Variants in TUBGCP4 observed in about 807,000 individuals in gnomAD.
TUBGCP4 encodes tubulin gamma complex component 4, also known as gamma-tubulin complex component 4.
A neutral mutation model predicts 91.6 loss-of-function variants in TUBGCP4; 54 were observed. The ratio of observed to expected loss-of-function variants is 0.59; its 90% CI spans 0.47 to 0.74. The LOEUF (loss-of-function observed/expected upper bound fraction) is 0.74, where lower values mean the gene tolerates loss of function less well. TUBGCP4 is among the 30% of genes least tolerant of loss of function. TUBGCP4 has a pLI of 0.00. For missense variants in TUBGCP4, 593 were observed against 800.9 expected (o/e 0.74, Z 3.13); for synonymous variants, 297 against 302.8 (o/e 0.98, Z 0.20).
At position 43,407,749 on chromosome 15, in the gene TUBGCP4, T is replaced by C; in HGVS notation, c.*2535T>C. ...AGTTATAATCACTATGTGCTGACCT[T>C]GTAGAAATATTTAACAAATATACGT... On this transcript the variant is annotated 3_prime_UTR_variant, in exon 18 of 18. Transcript: ENST00000564079. 1 of 782,300 alleles carries C rather than the reference T, an allele frequency of 1.3e-6. No homozygotes were observed. The highest frequency in any genetic ancestry group is 2.0e-6 in the Non-Finnish European group (1 of 499,600). The allele number at this position is 782,300 out of a possible 1,614,324, so 48.5% of individuals were successfully genotyped here. A position where few individuals can be genotyped will look rare whatever the true frequency, so the allele number is the denominator to read the frequency against.
In TUBGCP4 at chr15:43,407,732, T is replaced by C; in HGVS notation, c.*2518T>C. ...ATCATGACCAAAGGCAGAGTTATAATCACTATGTGCTGACCTTGTAGAAAT... is the reference window on the plus strand; with the variant it reads ...ATCATGACCAAAGGCAGAGTTATAACCACTATGTGCTGACCTTGTAGAAAT... On this transcript the variant is annotated 3_prime_UTR_variant, in exon 18 of 18. Coordinates refer to ENST00000564079, the MANE Select transcript of TUBGCP4 (RefSeq NM_014444.5). 3 of 795,738 alleles carry C rather than the reference T, an allele frequency of 3.8e-6. No individual in the cohort carries two copies. Among genetic ancestry groups the C allele is most frequent in the Non-Finnish European group, 5.9e-6 (3 of 509,560 alleles). 49.3% of individuals were successfully genotyped at this position (795,738 alleles called of 1,614,324 possible).
intron 1 of TUBGCP4, among the ~76,000 whole-genome samples, chr15:43,373,785 A>G (rs1420169735): frequency 6.6e-6 from 1 of 151,776 alleles, no homozygotes; most frequent in African/African-American, 2.4e-5. Flanking sequence ...AGCAGCTGGG[A>G]CTACAGGCGC....
chr15:43,398,262 G>A (rs1221775244), intron 13 of TUBGCP4, 83 bp downstream of exon 13: 2 of 1,503,232 alleles, frequency 1.3e-6, no homozygotes, highest in Non-Finnish European at 1.8e-6. Flanking sequence ...GAATTAGTGG[G>A]AAAGCAAGGT....
chr15:43,375,981 C>T lies in TUBGCP4; in HGVS notation c.79-117C>T, dbSNP rs1032199749. 4.6e-5 allele frequency: 68 copies of T among 1,462,452 alleles called. No individual in the cohort carries two copies. In the African/African-American group the frequency reaches 8.3e-4, roughly 18 times the overall value. The allele number at this position is 1,462,452 out of a possible 1,614,324, so 90.6% of individuals were successfully genotyped here. ...ATACATTGTTATCCAGAACTTAACA[C>T]CTTTAAGTGGACATCTTGAGAAAGA... On this transcript the variant is annotated intron_variant, in intron 1 of 17. Coordinates refer to ENST00000564079, the MANE Select transcript of TUBGCP4 (RefSeq NM_014444.5).
Position 43,376,191 on chromosome 15 carries a change from T to C in TUBGCP4, c.172T>C (p.Phe58Leu). Residue 58 changes from phenylalanine (F) to leucine (L), a missense_variant, in exon 2 of 18, where the codon TTC becomes CTC. Phe to Leu is a conservative substitution (Grantham distance 22). Coordinates refer to ENST00000564079, the MANE Select transcript of TUBGCP4 (RefSeq NM_014444.5). Reference protein sequence around the residue: ...LGTDYIRFTEFIEQYTGHVQQ... With the variant: ...LGTDYIRFTELIEQYTGHVQQ... ...CACAGACTATATTCGCTTCACTGAG[T>C]TCATTGAACAGTACACGGGCCATGT... The C allele has an allele frequency of 6.2e-7, 1 of 1,614,098 alleles. No individual in the cohort carries two copies. Among genetic ancestry groups the C allele is most frequent in the Non-Finnish European group, 8.5e-7 (1 of 1,180,018 alleles).
chr15:43,395,048 C>G (rs1595494560), intron 9 of TUBGCP4, 59 bp from the exon 10 acceptor site: 1 of 1,573,562 alleles, frequency 6.4e-7, no homozygotes, highest in Non-Finnish European at 8.7e-7. Context: ...TGGAACCATT[C>G]TTTGCAGGAG....
chr15:43,407,909 G>A lies in TUBGCP4; in HGVS notation c.*2695G>A, dbSNP rs946687107. The A allele has an allele frequency of 1.3e-6, 2 of 1,593,196 alleles. No individual in the cohort carries two copies. Among genetic ancestry groups the A allele is most frequent in the East Asian group, 4.5e-5 (2 of 44,732 alleles). On this transcript the variant is annotated 3_prime_UTR_variant, in exon 18 of 18. Coordinates refer to ENST00000564079, the MANE Select transcript of TUBGCP4 (RefSeq NM_014444.5). ...CACCTACAGGTCTAAGGAGATCCCT[G>A]GAACAAAGACACTACACACACTCTT...
At chr15:43,379,935 C>G (rs536992783) in intron 5 of TUBGCP4, 149 bp from the exon 6 acceptor site, 4 of 740,808 alleles carry the variant, frequency 5.4e-6, no homozygotes, top group Admixed American at 2.6e-5. Flanking sequence ...AGAGGTCCCT[C>G]TTTGAGAACC....
At position 43,383,380 on chromosome 15, in the gene TUBGCP4, A is replaced by G; in HGVS notation, c.599A>G (p.His200Arg). ...WMLHGLLLDQ[H>R]EEFFIKQGPS... ...CTCCATGGACTCCTCTTGGACCAGC[A>G]TGAAGAATTCTTTATCAAACAGGGG... The change falls in exon 7 of 18, where the codon CAT (histidine) becomes CGT (arginine). Residue 200 changes from histidine (H) to arginine (R), a missense_variant. By Grantham distance (29) the His-to-Arg change is conservative. Transcript: ENST00000564079. 1.9e-6 allele frequency: 3 copies of G among 1,614,218 alleles called. No individual in the cohort carries two copies. Among genetic ancestry groups the G allele is most frequent in the African/African-American group, 1.3e-5 (1 of 75,058 alleles).
At chr15:43,376,449 T>C (rs746281674) in intron 2 of TUBGCP4, 54 bp from the exon 3 acceptor site, 31 of 1,614,126 alleles carry the variant, frequency 1.9e-5, no homozygotes, top group Non-Finnish European at 2.6e-5. Flanking sequence ...ATAATGTCTT[T>C]CTCAGGTTTC....
intron 9 of TUBGCP4, among the ~76,000 whole-genome samples, chr15:43,388,580 G>A (rs2044418755): frequency 6.6e-6 from 1 of 152,156 alleles, no homozygotes; most frequent in South Asian, 2.1e-4. Flanking sequence ...ATCTAGTTCT[G>A]TTGCTTTATC....
chr15:43,387,773 A>G (rs2044401083), intron 9 of TUBGCP4, among the ~76,000 whole-genome samples: 1 of 151,716 alleles, frequency 6.6e-6, no homozygotes, highest in Non-Finnish European at 1.5e-5. Flanking sequence ...GCATGAGGAA[A>G]TTTTAAAACC....
chr15:43,400,460 C>T (rs572999386), intron 14 of TUBGCP4, among the ~76,000 whole-genome samples: 13 of 152,244 alleles, frequency 8.5e-5, no homozygotes, highest in Admixed American at 5.9e-4. Context: ...TGCAGTGGTA[C>T]AGTCATAGCT....
At position 43,403,806 on chromosome 15, in the gene TUBGCP4, C is replaced by G. The variant is rs753720627; in HGVS notation, c.1848+7C>G. The G allele has an allele frequency of 1.7e-5, 28 of 1,607,428 alleles. No individual in the cohort carries two copies. The highest frequency in any genetic ancestry group is 2.3e-5 in the Non-Finnish European group (27 of 1,173,946). ...GCTGAGCATTCTCGTGAAGGTGCGTCTGCCTGGAAGTATGCAGCCTTGCCG... is the reference window on the plus strand; with the variant it reads ...GCTGAGCATTCTCGTGAAGGTGCGTGTGCCTGGAAGTATGCAGCCTTGCCG... On this transcript the variant is annotated splice_region_variant and intron_variant, in intron 16 of 17. Transcript: ENST00000564079.
At chr15:43,383,802 G>T (rs1483407747) in intron 7 of TUBGCP4, among the ~76,000 whole-genome samples, 2 of 151,358 alleles carry the variant, frequency 1.3e-5, no homozygotes, top group Non-Finnish European at 2.9e-5. Context: ...ACAGTTTGGA[G>T]TTTTGTTTTT....
intron 6 of TUBGCP4, 105 bp from the exon 7 acceptor site, chr15:43,383,198 T>C: frequency 1.1e-6 from 1 of 885,568 alleles, no homozygotes; most frequent in Non-Finnish European, 1.6e-6. Context: ...TATTTTTAAC[T>C]TAATTGGTTA....
chr15:43,408,758 A>C lies in TUBGCP4; in HGVS notation c.*3544A>C. 1.3e-6 allele frequency: 1 copy of C among 786,600 alleles called. No individual in the cohort carries two copies. The highest frequency in any genetic ancestry group is 2.0e-6 in the Non-Finnish European group (1 of 494,138). 48.7% of individuals were successfully genotyped at this position (786,600 alleles called of 1,614,324 possible). A position where few individuals can be genotyped will look rare whatever the true frequency, so the allele number is the denominator to read the frequency against. ...GGAAATAAACTAGATAAACTCCTGA[A>C]GTCATTTCAAACCCACTCAAATTTA... is the stretch of plus-strand genomic sequence containing the variant. On this transcript the variant is annotated 3_prime_UTR_variant, in exon 18 of 18. Coordinates refer to ENST00000564079, the MANE Select transcript of TUBGCP4 (RefSeq NM_014444.5).
At position 43,408,865 on chromosome 15, in the gene TUBGCP4, T is replaced by TC. The variant is rs2045018108; in HGVS notation, c.*3651_*3652insC. ...CTCCAAAGCTTGCTGTCCTCCTGCC[T>TC]ATACAATTCTGGATGGGCTTCAAAT... On this transcript the variant is annotated 3_prime_UTR_variant, in exon 18 of 18. Coordinates refer to ENST00000564079, the MANE Select transcript of TUBGCP4 (RefSeq NM_014444.5). The TC allele has an allele frequency of 6.2e-7, 1 of 1,605,780 alleles. No homozygotes were observed. The highest frequency in any genetic ancestry group is 8.5e-7 in the Non-Finnish European group (1 of 1,172,660).
intron 11 of TUBGCP4, among the ~76,000 whole-genome samples, chr15:43,396,852 T>G (rs1403557561): frequency 6.6e-6 from 1 of 152,146 alleles, no homozygotes; most frequent in African/African-American, 2.4e-5. Context: ...GAATAGAGCC[T>G]CTGGATTGGC....
Sources: allele counts gnomAD v4.1 joint callset (sites outside exome capture counted in the v4.1 genomes callset), GRCh38; gene constraint gnomAD v4.1.1; transcripts MANE v1.5; gene names NCBI Gene and HGNC (gene_info 2026-07-23, HGNC 2026-07-21).